UBXN2A: variants seen among roughly 807,000 people sequenced by gnomAD.
UBXN2A encodes the protein UBX domain protein 2A.
In UBXN2A, 28 loss-of-function variants were observed where a neutral mutation model predicts 28.4. That is an observed-to-expected ratio of 0.99 (90% CI 0.73 to 1.35). The LOEUF (loss-of-function observed/expected upper bound fraction) is 1.35, where lower values mean the gene tolerates loss of function less well. Ranked by LOEUF, UBXN2A falls within the 40% of genes most tolerant of loss-of-function variation. UBXN2A has a pLI of 0.00. For missense variants in UBXN2A, 253 were observed against 297.9 expected (o/e 0.85, Z 1.11); for synonymous variants, 97 against 103.6 (o/e 0.94, Z 0.39).
At chr2:23,941,187 G>A (rs1187201324) in intron 1 of UBXN2A, among the ~76,000 whole-genome samples, 1 of 151,870 alleles carries the variant, frequency 6.6e-6, no homozygotes, top group East Asian at 1.9e-4. Context: ...TGTCAGCAAT[G>A]ATGAATGTTC....
rs1708680212 is a variant in UBXN2A at position 23,999,944 on chromosome 2, G to C, written c.*77G>C. The C allele has an allele frequency of 6.8e-7, 1 of 1,466,616 alleles. No homozygotes were observed. The highest frequency in any genetic ancestry group is 1.4e-5 in the African/African-American group (1 of 70,852). 90.9% of individuals were successfully genotyped at this position (1,466,616 alleles called of 1,614,324 possible). A position where few individuals can be genotyped will look rare whatever the true frequency, so the allele number is the denominator to read the frequency against. On this transcript the variant is annotated 3_prime_UTR_variant, in exon 7 of 7. Transcript: ENST00000309033. The stretch of plus-strand genomic sequence containing the variant: ...ACATGCAAACCAAAATTGGGGATTG[G>C]AGAAGTCAGACTCACTAGACTTTTG...
chr2:23,996,532 A>G (rs1329024236), intron 6 of UBXN2A, among the ~76,000 whole-genome samples: 1 of 133,898 alleles, frequency 7.5e-6, no homozygotes, highest in African/African-American at 2.9e-5. Context: ...GCTGGAGTGC[A>G]GTGGCACGAT....
chr2:23,986,398 CTGTT>C (rs1708132247), intron 6 of UBXN2A, among the ~76,000 whole-genome samples: 1 of 151,886 alleles, frequency 6.6e-6, no homozygotes, highest in African/African-American at 2.4e-5. Flanking sequence ...ATTCATTTTT[CTGTT>C]TAAGTAGATG....
rs1375148914 is a variant in UBXN2A, at chr2:24,004,329, T to G, written c.*4462T>G. 5.9e-5 allele frequency: 9 copies of G among 152,194 alleles called. No homozygotes were observed. Among genetic ancestry groups the G allele is most frequent in the African/African-American group, 2.2e-4 (9 of 41,452 alleles). 9.4% of individuals were successfully genotyped at this position (152,194 alleles called of 1,614,324 possible). On this transcript the variant is annotated 3_prime_UTR_variant, in exon 7 of 7. Transcript: ENST00000309033. ...AATTGTTTCAAAACTGTCTTCAGTT[T>G]CTTGAAAATAATTGTTAGGGCTGAT...
chr2:23,992,447 A>C (rs1364310105), intron 6 of UBXN2A, among the ~76,000 whole-genome samples: 2 of 152,252 alleles, frequency 1.3e-5, no homozygotes, highest in African/African-American at 4.8e-5. Flanking sequence ...CTGTTCGTTC[A>C]GATTCTTCGT....
chr2:23,990,001 A>G (rs1425153895), intron 6 of UBXN2A, among the ~76,000 whole-genome samples: 1 of 152,154 alleles, frequency 6.6e-6, no homozygotes, highest in Non-Finnish European at 1.5e-5. Flanking sequence ...TAATTAACAC[A>G]TTTATTTAAT....
intron 2 of UBXN2A, among the ~76,000 whole-genome samples, chr2:23,963,990 AGC>A (rs1707050251): frequency 6.6e-6 from 1 of 152,084 alleles, no homozygotes; most frequent in African/African-American, 2.4e-5. Context: ...AAAACTAGCC[AGC>A]TTGGTGACAC....
At chr2:23,962,065 G>A (rs1293824921) in intron 2 of UBXN2A, among the ~76,000 whole-genome samples, 1 of 151,968 alleles carries the variant, frequency 6.6e-6, no homozygotes, top group African/African-American at 2.4e-5. Flanking sequence ...GGCTGGTCTT[G>A]AACTCCTGAC....
At chr2:23,942,040 A>G (rs1156508672) in intron 1 of UBXN2A, among the ~76,000 whole-genome samples, 1 of 152,198 alleles carries the variant, frequency 6.6e-6, no homozygotes, top group Admixed American at 6.5e-5. Flanking sequence ...AGATGGTGCC[A>G]CTGCACTCCA....
At chr2:23,985,843 T>C (rs1041992606) in intron 6 of UBXN2A, among the ~76,000 whole-genome samples, 1 of 152,020 alleles carries the variant, frequency 6.6e-6, no homozygotes, top group Non-Finnish European at 1.5e-5. Flanking sequence ...AAAAAAATTT[T>C]TTTAAATTAG....
chr2:23,989,831 G>A (rs1028867411), intron 6 of UBXN2A, among the ~76,000 whole-genome samples: 2 of 152,010 alleles, frequency 1.3e-5, no homozygotes, highest in African/African-American at 2.4e-5. Context: ...TGTACCCTGG[G>A]GAGGTTGAGG....
intron 2 of UBXN2A, among the ~76,000 whole-genome samples, chr2:23,966,297 C>G (rs1707159079): frequency 6.6e-6 from 1 of 152,050 alleles, no homozygotes; most frequent in Admixed American, 6.6e-5. Flanking sequence ...TGCCACCACT[C>G]CAGCTAATTT....
At chr2:23,956,388 T>TG (rs1351069230) in intron 1 of UBXN2A, among the ~76,000 whole-genome samples, 1 of 152,132 alleles carries the variant, frequency 6.6e-6, no homozygotes, top group Non-Finnish European at 1.5e-5. Flanking sequence ...TCACTAACTC[T>TG]GTCACCAGAG....
chr2:23,987,332 T>C (rs1708171266), intron 6 of UBXN2A, among the ~76,000 whole-genome samples: 1 of 152,208 alleles, frequency 6.6e-6, no homozygotes, highest in Non-Finnish European at 1.5e-5. Context: ...TCTCTTCTTC[T>C]GTGGAAGAGG....
chr2:23,955,046 C>A (rs1706552450), intron 1 of UBXN2A, among the ~76,000 whole-genome samples: 1 of 151,446 alleles, frequency 6.6e-6, no homozygotes, highest in Non-Finnish European at 1.5e-5. Flanking sequence ...CATTCTCCTG[C>A]CTCAGCCTCC....
chr2:23,987,808 A>G (rs1375984305), intron 6 of UBXN2A, among the ~76,000 whole-genome samples: 1 of 150,770 alleles, frequency 6.6e-6, no homozygotes, highest in Admixed American at 6.6e-5. Context: ...AAACTTACAG[A>G]AAATGTTCAA....
intron 6 of UBXN2A, among the ~76,000 whole-genome samples, chr2:23,987,392 A>G (rs1450436774): frequency 6.6e-6 from 1 of 152,210 alleles, no homozygotes; most frequent in Non-Finnish European, 1.5e-5. Context: ...GCTTTTATTT[A>G]TAGCTTTACC....
intron 1 of UBXN2A, among the ~76,000 whole-genome samples, chr2:23,928,058 C>G (rs1253934290): frequency 1.3e-5 from 2 of 151,650 alleles, no homozygotes; most frequent in Non-Finnish European, 2.9e-5. Context: ...CACCTGTAAT[C>G]CCAGCTGCTC....
intron 4 of UBXN2A, among the ~76,000 whole-genome samples, chr2:23,978,643 CAA>C (rs1167982156): frequency 7.4e-6 from 1 of 134,694 alleles, no homozygotes; most frequent in Non-Finnish European, 1.6e-5. Context: ...GACTCCGTCT[CAA>C]AAAAAAAAAA....
Sources: allele counts gnomAD v4.1 joint callset (sites outside exome capture counted in the v4.1 genomes callset), GRCh38; gene constraint gnomAD v4.1.1; transcripts MANE v1.5; gene names NCBI Gene and HGNC (gene_info 2026-07-23, HGNC 2026-07-21).